The following MBNL3 variants were observed in gnomAD, a reference collection of about 807,000 sequenced individuals.
The protein encoded by MBNL3 is muscleblind-like protein 3.
A neutral mutation model predicts 24.5 loss-of-function variants in MBNL3; 6 were observed. The ratio of observed to expected loss-of-function variants is 0.25; its 90% CI spans 0.13 to 0.48. MBNL3 has a LOEUF of 0.48. Among genes scored for constraint, MBNL3 ranks in the 20% least tolerant of loss-of-function variants. The pLI, the probability that MBNL3 is intolerant of heterozygous loss-of-function variation, is 0.99. For missense variants in MBNL3, 230 were observed against 293.5 expected (o/e 0.78, Z 1.58); for synonymous variants, 100 against 101.7 (o/e 0.98, Z 0.10).
intron 2 of MBNL3, among the ~76,000 whole-genome samples, chrX:132,427,724 A>G (rs1167725210): frequency 8.9e-6 from 1 of 111,852 alleles, no homozygotes; most frequent in East Asian, 2.8e-4. Flanking sequence ...CATATAAAAG[A>G]TGGTTAAAGA....
At chrX:132,444,466 A>T (rs1020821577) in intron 1 of MBNL3, among the ~76,000 whole-genome samples, 2 of 111,321 alleles carry the variant, frequency 1.8e-5, no homozygotes, top group East Asian at 5.7e-4. Context: ...TTTGATAGCA[A>T]CAAGATCGTA....
At chrX:132,484,005 T>C (rs932409950) in intron 1 of MBNL3, among the ~76,000 whole-genome samples, 2 of 111,987 alleles carry the variant, frequency 1.8e-5, no homozygotes, top group Admixed American at 9.5e-5. Flanking sequence ...ATTTTTAATC[T>C]GGTGAAACAG....
chrX:132,417,527 T>G (rs1943408199), intron 2 of MBNL3, among the ~76,000 whole-genome samples: 1 of 111,692 alleles, frequency 9.0e-6, no homozygotes, highest in African/African-American at 3.3e-5. Flanking sequence ...TTTAAACAGC[T>G]GGAACAAGAC....
intron 2 of MBNL3, among the ~76,000 whole-genome samples, chrX:132,433,429 A>G (rs913831708): frequency 3.6e-5 from 4 of 111,662 alleles, no homozygotes; most frequent in African/African-American, 1.3e-4. Flanking sequence ...CAAACCTGCT[A>G]TATTAACTCT....
chrX:132,458,448 T>C (rs2148491071), intron 1 of MBNL3, among the ~76,000 whole-genome samples: 1 of 111,293 alleles, frequency 9.0e-6, no homozygotes, highest in South Asian at 3.8e-4. Flanking sequence ...AATAAATTTA[T>C]TTTGGCTCAT....
chrX:132,431,989 C>T lies in MBNL3; in HGVS notation c.177+7446G>A, dbSNP rs756731405. The T allele has an allele frequency of 2.7e-5, 3 of 111,604 alleles. No homozygotes were observed. In the East Asian group the frequency reaches 8.4e-4, roughly 31 times the overall value. The allele number at this position is 111,604 out of a possible 1,213,427, so 9.2% of individuals were successfully genotyped here. On this transcript the variant is annotated intron_variant, in intron 2 of 8. Coordinates refer to ENST00000370853, the MANE Select transcript of MBNL3 (RefSeq NM_001386889.1). ...CTAACTAGAATCCTGTATTTGTGTG[C>T]AATTCTTTTTATCTTTATTATAAAT...
intron 5 of MBNL3, among the ~76,000 whole-genome samples, chrX:132,390,265 C>CAAAAAAAA (rs59093044): frequency 2.8e-4 from 9 of 31,612 alleles, no homozygotes; most frequent in Admixed American, 4.8e-4. Context: ...ACAACAACAA[C>CAAAAAAAA]AAAAAAAAAA....
intron 2 of MBNL3, among the ~76,000 whole-genome samples, chrX:132,417,920 C>G (rs1943445123): frequency 8.9e-6 from 1 of 111,783 alleles, no homozygotes; most frequent in Non-Finnish European, 1.9e-5. Context: ...CATTTTTCTA[C>G]TAAAGATAAC....
At chrX:132,459,242 CATTT>C (rs1946517659) in intron 1 of MBNL3, among the ~76,000 whole-genome samples, 1 of 108,875 alleles carries the variant, frequency 9.2e-6, no homozygotes, top group Non-Finnish European at 1.9e-5. Context: ...TTTTTTCTTT[CATTT>C]GTTTTCCAAA....
chrX:132,483,568 T>A (rs1182418248), intron 1 of MBNL3, among the ~76,000 whole-genome samples: 1 of 110,503 alleles, frequency 9.0e-6, no homozygotes, highest in Non-Finnish European at 1.9e-5. Flanking sequence ...AGGTGAAATG[T>A]AAGCTCTCTG....
rs961142146 is a variant in MBNL3, at chrX:132,371,532, GT to G, written c.*8133del. The G allele has an allele frequency of 4.5e-5, 5 of 111,793 alleles. No homozygotes were observed. The highest frequency in any genetic ancestry group is 9.4e-5 in the Non-Finnish European group (5 of 53,109). 9.2% of individuals were successfully genotyped at this position (111,793 alleles called of 1,213,427 possible). On this transcript the variant is annotated 3_prime_UTR_variant, in exon 9 of 9. Transcript: ENST00000370853. Reference sequence around the variant, plus strand: ...AATGGAAAAATTCATGCATCTCATTGTTATGAAATGATTGATGCCCATCTGG... The same window carrying G: ...AATGGAAAAATTCATGCATCTCATTGTATGAAATGATTGATGCCCATCTGG...
At chrX:132,411,648 G>A (rs777353881) in intron 2 of MBNL3, among the ~76,000 whole-genome samples, 31 of 111,323 alleles carry the variant, frequency 2.8e-4, no homozygotes, top group Non-Finnish European at 5.1e-4. Context: ...TCCTGGAACC[G>A]TCTCCCCATT....
intron 2 of MBNL3, chrX:132,430,818 C>T (rs1213241216): frequency 1.8e-5 from 2 of 112,099 alleles, no homozygotes; most frequent in East Asian, 5.6e-4. Flanking sequence ...GTTGCCCAGG[C>T]TGGAGTGCAG....
At chrX:132,485,341 GA>G (rs985177523) in intron 1 of MBNL3, among the ~76,000 whole-genome samples, 3 of 111,769 alleles carry the variant, frequency 2.7e-5, no homozygotes, top group Non-Finnish European at 5.6e-5. Context: ...CTACTTCCCA[GA>G]TTGTATTGTT....
At chrX:132,441,408 G>A (rs933324217) in intron 1 of MBNL3, among the ~76,000 whole-genome samples, 2 of 112,121 alleles carry the variant, frequency 1.8e-5, no homozygotes, top group Non-Finnish European at 3.8e-5. Context: ...CCCACTGAAT[G>A]AGGGGCCTGT....
rs1441983538 is a variant in MBNL3 at position 132,406,407 on chromosome X, T to C, written c.178-15A>G. On this transcript the variant is annotated splice_polypyrimidine_tract_variant and intron_variant, in intron 2 of 8. Transcript: ENST00000370853. ...GTACACCGACCCTGACAATGAAGAA[T>C]AGGGAAAATATTAAATTAAAACTAT... The C allele has an allele frequency of 6.0e-6, 7 of 1,161,542 alleles. No individual in the cohort carries two copies. The highest frequency in any genetic ancestry group is 8.0e-6 in the Non-Finnish European group (7 of 870,053).
chrX:132,382,381 T>C, intron 7 of MBNL3, 109 bp from the exon 8 acceptor site: 1 of 570,888 alleles, frequency 1.8e-6, no homozygotes, highest in Non-Finnish European at 2.9e-6. Context: ...ACAAGCCATG[T>C]GACATCATAA....
At chrX:132,462,598 A>G (rs1305736822) in intron 1 of MBNL3, among the ~76,000 whole-genome samples, 1 of 111,970 alleles carries the variant, frequency 8.9e-6, no homozygotes, top group Non-Finnish European at 1.9e-5. Flanking sequence ...GACCAAAGAA[A>G]GACACAGCCA....
At chrX:132,441,485 G>T (rs754493927) in intron 1 of MBNL3, among the ~76,000 whole-genome samples, 3 of 112,446 alleles carry the variant, frequency 2.7e-5, no homozygotes, top group East Asian at 2.8e-4. Flanking sequence ...AGGCCCTTCT[G>T]CATCAAGTTA....
Sources: gnomAD v4.1 joint callset for allele counts (sites outside exome capture counted in the v4.1 genomes callset) on GRCh38, gnomAD v4.1.1 for gene constraint, MANE v1.5 for transcripts, NCBI Gene and HGNC (gene_info 2026-07-23, HGNC 2026-07-21) for gene names.